Variants in CEP112 observed in about 807,000 individuals in gnomAD.
The protein encoded by CEP112 is centrosomal protein of 112 kDa.
In CEP112, 127 loss-of-function variants were observed where a neutral mutation model predicts 153.0. That is an observed-to-expected ratio of 0.83 (90% CI 0.72 to 0.96). The LOEUF is 0.96. Among genes scored for constraint, CEP112 ranks in the 40% least tolerant of loss-of-function variants. The pLI is 0.00. For missense variants in CEP112, 1,089 were observed against 1,101.2 expected, an observed-to-expected ratio of 0.99 and a Z score of 0.16; for synonymous variants, 358 against 374.4, an observed-to-expected ratio of 0.96 and a Z score of 0.51.
chr17:65,715,250 C>G (rs753491051), intron 23 of CEP112, among the ~76,000 whole-genome samples: 2 of 152,054 alleles, frequency 1.3e-5, no homozygotes, highest in Non-Finnish European at 2.9e-5. Context: ...TCTATTCAGT[C>G]TGGAACCTGA....
intron 6 of CEP112, among the ~76,000 whole-genome samples, chr17:66,104,520 C>T (rs2068697727): frequency 6.6e-6 from 1 of 152,200 alleles, no homozygotes; most frequent in Admixed American, 6.5e-5. Flanking sequence ...TAGTGTCATG[C>T]TAGCTTCAAG....
At chr17:65,894,109 T>G (rs889388760) in intron 20 of CEP112, among the ~76,000 whole-genome samples, 1 of 152,098 alleles carries the variant, frequency 6.6e-6, no homozygotes, top group African/African-American at 2.4e-5. Context: ...TTCTCAGAGA[T>G]AATTTCTGCC....
Position 65,927,690 on chromosome 17 carries a change from C to A in CEP112, c.1873-1G>T. 1 of 1,520,258 alleles carries A rather than the reference C, an allele frequency of 6.6e-7. No homozygotes were observed. The highest frequency in any genetic ancestry group is 1.3e-5 in the South Asian group (1 of 75,618). 94.2% of individuals were successfully genotyped at this position (1,520,258 alleles called of 1,614,324 possible). On this transcript the variant is annotated splice_acceptor_variant, in intron 18 of 26. Transcript: ENST00000535342. LOFTEE classifies it high-confidence loss of function. ...TTAGATCTGCCTCCACTTTTTCCAT[C>A]TATAAAATTTAAAAATCAAATATTA...
intron 17 of CEP112, among the ~76,000 whole-genome samples, chr17:65,971,415 A>AGCACATATATTGGATGCATGTAATGTAT (rs148309566): frequency 0.059 from 8,974 of 151,484 alleles, 391 homozygotes; most frequent in South Asian, 0.12. Flanking sequence ...GCACCCATGC[A>AGCACATATATTGGATGCATGTAATGTAT]GCATGCTGCA....
intron 20 of CEP112, among the ~76,000 whole-genome samples, chr17:65,884,719 CTTT>C (rs1401066748): frequency 1.2e-5 from 1 of 86,626 alleles, no homozygotes. Flanking sequence ...TTTTTTTTTT[CTTT>C]TTTTTTTTTT....
chr17:65,739,460 G>A (rs1449120980), intron 23 of CEP112, among the ~76,000 whole-genome samples: 1 of 152,186 alleles, frequency 6.6e-6, no homozygotes, highest in Non-Finnish European at 1.5e-5. Context: ...CTCTTGCCAG[G>A]TGTGGTGGCT....
At chr17:65,841,791 T>C (rs796802986) in intron 21 of CEP112, among the ~76,000 whole-genome samples, 86 of 152,008 alleles carry the variant, frequency 5.7e-4, no homozygotes, top group African/African-American at 2.0e-3. Context: ...CATATCAACA[T>C]AAATTTTTTA....
At chr17:66,004,853 C>A (rs1408671129) in intron 17 of CEP112, among the ~76,000 whole-genome samples, 3 of 152,178 alleles carry the variant, frequency 2.0e-5, no homozygotes, top group Non-Finnish European at 2.9e-5. Context: ...AATAAAATTA[C>A]TGATTCTCTG....
chr17:65,825,098 G>A lies in CEP112; in HGVS notation c.2394+26706C>T, dbSNP rs556500828. 2.6e-5 allele frequency among the ~76,000 whole-genome samples: 4 copies of A among 152,300 alleles called. No individual in the cohort carries two copies. In the South Asian group the frequency reaches 8.3e-4, roughly 32 times the overall value. ...TCCAACTGTCTGTCCATTGGCAGATGAATGGATGAACAAAATGTGGTATAC... is the reference window on the plus strand; with the variant it reads ...TCCAACTGTCTGTCCATTGGCAGATAAATGGATGAACAAAATGTGGTATAC... On this transcript the variant is annotated intron_variant, in intron 21 of 26. Coordinates refer to ENST00000535342, the MANE Select transcript of CEP112 (RefSeq NM_001199165.4).
At chr17:65,944,447 A>G (rs2061590337) in intron 18 of CEP112, among the ~76,000 whole-genome samples, 1 of 152,226 alleles carries the variant, frequency 6.6e-6, no homozygotes, top group Non-Finnish European at 1.5e-5. Context: ...CTTAAGAATC[A>G]TATTTCTTTA....
chr17:65,767,849 C>T (rs6416946), intron 21 of CEP112, among the ~76,000 whole-genome samples: 72,295 of 151,258 alleles, frequency 0.48, 18,871 homozygotes, highest in East Asian at 0.78. Context: ...AACAGGCCAA[C>T]AACAAATGAA....
chr17:65,953,694 C>T (rs73992145), intron 18 of CEP112, among the ~76,000 whole-genome samples: 10,001 of 152,094 alleles, frequency 0.066, 495 homozygotes, highest in African/African-American at 0.12. Flanking sequence ...CTTTCCCCTA[C>T]TTCCCTGGTG....
At chr17:65,837,896 C>G (rs944101925) in intron 21 of CEP112, among the ~76,000 whole-genome samples, 10 of 152,092 alleles carry the variant, frequency 6.6e-5, no homozygotes, top group African/African-American at 2.2e-4. Flanking sequence ...GCAGCATACT[C>G]GTTAAGAGTC....
At chr17:66,049,104 A>G (rs898738276) in intron 12 of CEP112, among the ~76,000 whole-genome samples, 1 of 152,192 alleles carries the variant, frequency 6.6e-6, no homozygotes, top group African/African-American at 2.4e-5. Flanking sequence ...TTTGCAAAGG[A>G]GAGTTCAACA....
At position 65,710,034 on chromosome 17, in the gene CEP112, C is replaced by T. The variant is rs370113147; in HGVS notation, c.2608-20816G>A. ...CAGCGTTGTAGGATCTTGAGCCCTACCCCAGACTGACAGCATCAGAGCCTA... is the reference window on the plus strand; with the variant it reads ...CAGCGTTGTAGGATCTTGAGCCCTATCCCAGACTGACAGCATCAGAGCCTA... On this transcript the variant is annotated intron_variant, in intron 23 of 26. Coordinates refer to ENST00000535342, the MANE Select transcript of CEP112 (RefSeq NM_001199165.4). Among the ~76,000 whole-genome samples, 8 of 152,158 alleles carry T rather than the reference C, an allele frequency of 5.3e-5. 1 individual carries two copies. The East Asian group carries it at 1.5e-3, about 29-fold the overall frequency.
At chr17:66,029,549 G>T (rs981894224) in intron 13 of CEP112, among the ~76,000 whole-genome samples, 1 of 151,646 alleles carries the variant, frequency 6.6e-6, no homozygotes, top group Admixed American at 6.6e-5. Context: ...AATAAAAATA[G>T]AAAAATTAGC....
intron 24 of CEP112, among the ~76,000 whole-genome samples, chr17:65,685,667 ATTTTTT>A (rs556118592): frequency 1.1e-4 from 12 of 105,292 alleles, no homozygotes; most frequent in East Asian, 5.4e-4. Flanking sequence ...AATAGTTCTA[ATTTTTT>A]TTTTTTTTTT....
At chr17:65,855,021 C>A (rs559088668) in intron 20 of CEP112, among the ~76,000 whole-genome samples, 1 of 152,146 alleles carries the variant, frequency 6.6e-6, no homozygotes, top group East Asian at 1.9e-4. Flanking sequence ...GCTCCCTTCC[C>A]CAAAATCAAT....
intron 17 of CEP112, among the ~76,000 whole-genome samples, chr17:65,999,719 C>T (rs1258317357): frequency 6.6e-6 from 1 of 152,088 alleles, no homozygotes; most frequent in Non-Finnish European, 1.5e-5. Context: ...CTCCTTCCTT[C>T]CATCCTCCAT....
Sources: allele counts gnomAD v4.1 joint callset (sites outside exome capture counted in the v4.1 genomes callset), GRCh38; gene constraint gnomAD v4.1.1; transcripts MANE v1.5; gene names NCBI Gene and HGNC (gene_info 2026-07-23, HGNC 2026-07-21).